Variants in KIZ observed in about 807,000 individuals in gnomAD.
The protein encoded by KIZ is centrosomal protein kizuna.
A neutral mutation model predicts 79.6 loss-of-function variants in KIZ; 68 were observed. That is an observed-to-expected ratio of 0.85 (90% confidence interval 0.70 to 1.05). The LOEUF (loss-of-function observed/expected upper bound fraction) is 1.05. KIZ is among the 50% of genes least tolerant of loss of function. The pLI, the probability that KIZ is intolerant of heterozygous loss-of-function variation, is 0.00. For missense variants in KIZ, 797 were observed against 800.4 expected (o/e 1.00, Z 0.05); for synonymous variants, 280 against 281.8 (o/e 0.99, Z 0.06).
At chr20:21,237,054 T>G (rs973629717) in intron 11 of KIZ, among the ~76,000 whole-genome samples, 60 of 148,134 alleles carry the variant, frequency 4.1e-4, no homozygotes, top group African/African-American at 1.5e-3. Context: ...GTAATCCCAG[T>G]ACTTTGGGAG....
chr20:21,226,822 A>G (rs533840541), intron 9 of KIZ, among the ~76,000 whole-genome samples: 1 of 152,276 alleles, frequency 6.6e-6, no homozygotes, highest in Non-Finnish European at 1.5e-5. Flanking sequence ...ATCCCAAATA[A>G]AAACTGCCCA....
rs1415719202 is a variant in KIZ at position 21,136,075 on chromosome 20, A to G, written c.153-315A>G. On this transcript the variant is annotated intron_variant, in intron 2 of 12. Transcript: ENST00000619189. ...ATTCGTCGAACATGTCCACATAGAC[A>G]CTACTCTTGAAATCACATTTAATTT... 5.3e-5 allele frequency among the ~76,000 whole-genome samples: 8 copies of G among 152,236 alleles called. No individual in the cohort carries two copies. The East Asian group carries it at 1.5e-3, about 29-fold the overall frequency.
At chr20:21,179,599 TTCTA>T (rs1409840926) in intron 6 of KIZ, among the ~76,000 whole-genome samples, 1 of 152,090 alleles carries the variant, frequency 6.6e-6, no homozygotes. Flanking sequence ...TATTATTTCC[TTCTA>T]TCTACTAACT....
At chr20:21,183,588 G>T (rs2034747601) in intron 6 of KIZ, among the ~76,000 whole-genome samples, 1 of 151,982 alleles carries the variant, frequency 6.6e-6, no homozygotes, top group African/African-American at 2.4e-5. Context: ...TTACATATGT[G>T]CTAAATATTT....
At chr20:21,159,470 G>A (rs2033552474) in intron 4 of KIZ, among the ~76,000 whole-genome samples, 1 of 151,916 alleles carries the variant, frequency 6.6e-6, no homozygotes, top group East Asian at 1.9e-4. Context: ...ATACCTGTTG[G>A]GAATCACTGT....
chr20:21,141,920 C>T (rs914888417), intron 3 of KIZ, among the ~76,000 whole-genome samples: 4 of 151,146 alleles, frequency 2.6e-5, no homozygotes, highest in Non-Finnish European at 5.9e-5. Flanking sequence ...AATTTCCCCC[C>T]TCCACCTTCT....
At chr20:21,160,482 C>G (rs928513391) in intron 4 of KIZ, among the ~76,000 whole-genome samples, 1 of 152,160 alleles carries the variant, frequency 6.6e-6, no homozygotes. Flanking sequence ...CCTTTTCTCT[C>G]TCTCTCTGCC....
chr20:21,155,189 G>A (rs2033316071), intron 4 of KIZ, among the ~76,000 whole-genome samples: 1 of 152,214 alleles, frequency 6.6e-6, no homozygotes, highest in African/African-American at 2.4e-5. Flanking sequence ...GCAGCTTGCT[G>A]TGTACAAGAT....
Position 21,162,848 on chromosome 20 carries a change from A to G in KIZ, c.1043-2A>G. On this transcript the variant is annotated splice_acceptor_variant, in intron 5 of 12. Coordinates refer to ENST00000619189, the MANE Select transcript of KIZ (RefSeq NM_018474.6). LOFTEE classifies it high-confidence loss of function. ...GTAATCAGTTCATGTCGCCACTTGC[A>G]GATCATCTTGCTCACAGGGAACCAA... 8 of 1,609,712 alleles carry G rather than the reference A, an allele frequency of 5.0e-6. No individual in the cohort carries two copies. The highest frequency in any genetic ancestry group is 6.8e-6 in the Non-Finnish European group (8 of 1,177,602).
intron 6 of KIZ, among the ~76,000 whole-genome samples, chr20:21,174,095 G>C (rs1197176660): frequency 6.6e-6 from 1 of 152,146 alleles, no homozygotes; most frequent in East Asian, 1.9e-4. Flanking sequence ...ATGAGGTTTA[G>C]AAAGCTTAAA....
chr20:21,242,557 T>A, intron 11 of KIZ, among the ~76,000 whole-genome samples: 1 of 73,714 alleles, frequency 1.4e-5, no homozygotes, highest in African/African-American at 5.4e-5. Context: ...TGCAGGGGGG[T>A]CGAGAGGGGT....
chr20:21,139,720 A>C (rs1237957688), intron 3 of KIZ, among the ~76,000 whole-genome samples: 1 of 152,178 alleles, frequency 6.6e-6, no homozygotes, highest in African/African-American at 2.4e-5. Context: ...ATAAAATAGG[A>C]TATGTTATTA....
At chr20:21,178,970 G>T (rs1477726942) in intron 6 of KIZ, among the ~76,000 whole-genome samples, 1 of 152,018 alleles carries the variant, frequency 6.6e-6, no homozygotes, top group African/African-American at 2.4e-5. Flanking sequence ...AATTTGGTTT[G>T]TTAGTATTTT....
chr20:21,215,541 AACTTTGAAAT>A (rs755678532), intron 8 of KIZ, 32 bp from the exon 9 acceptor site: 1 of 1,232,552 alleles, frequency 8.1e-7, no homozygotes, highest in African/African-American at 1.5e-5. Context: ...TCTATTCCTT[AACTTTGAAAT>A]ACTTTTTTTT....
intron 10 of KIZ, among the ~76,000 whole-genome samples, chr20:21,230,438 G>A (rs376155720): frequency 6.6e-6 from 1 of 152,212 alleles, no homozygotes; most frequent in Non-Finnish European, 1.5e-5. Flanking sequence ...TCACACCACT[G>A]CACTGGGCAA....
At chr20:21,128,182 T>G (rs1271357906) in intron 1 of KIZ, among the ~76,000 whole-genome samples, 10 of 152,172 alleles carry the variant, frequency 6.6e-5, no homozygotes, top group Admixed American at 6.5e-4. Context: ...CCAGCTAATT[T>G]TTGTATTTTT....
chr20:21,176,441 C>A (rs184679014), intron 6 of KIZ, among the ~76,000 whole-genome samples: 1 of 152,220 alleles, frequency 6.6e-6, no homozygotes. Context: ...TAAACACAGC[C>A]TAACTTCTAA....
At chr20:21,136,204 CAGT>C (rs1233114269) in intron 2 of KIZ, among the ~76,000 whole-genome samples, 183 bp from the exon 3 acceptor site, 7 of 151,900 alleles carry the variant, frequency 4.6e-5, no homozygotes, top group Admixed American at 1.3e-4. Context: ...TATGATACCT[CAGT>C]GGTGCTGCAT....
intron 2 of KIZ, among the ~76,000 whole-genome samples, chr20:21,133,466 A>G (rs1191700019): frequency 6.6e-6 from 1 of 152,178 alleles, no homozygotes; most frequent in Non-Finnish European, 1.5e-5. Context: ...CGTTTCATGC[A>G]GTCTGTTCTT....
Sources: gnomAD v4.1 joint callset for allele counts (sites outside exome capture counted in the v4.1 genomes callset) on GRCh38, gnomAD v4.1.1 for gene constraint, MANE v1.5 for transcripts, NCBI Gene and HGNC (gene_info 2026-07-23, HGNC 2026-07-21) for gene names.